The following ARHGEF9 variants were observed in gnomAD, a reference collection of about 807,000 sequenced individuals.
The protein encoded by ARHGEF9 is Cdc42 guanine nucleotide exchange factor 9, also known as rho guanine nucleotide exchange factor 9.
A neutral mutation model predicts 41.3 loss-of-function variants in ARHGEF9; 2 were observed. That is an observed-to-expected ratio of 0.05 (90% confidence interval 0.02 to 0.15). The LOEUF is 0.15. Ranked by LOEUF, ARHGEF9 falls within the 10% of genes least tolerant of loss-of-function variation. The probability of loss-of-function intolerance (pLI) is 1.00; values close to 1 mark genes in which losing one functional copy is unlikely to be tolerated. For synonymous variants in ARHGEF9, 160 were observed against 154.4 expected (o/e 1.04, Z -0.27); for missense variants, 225 against 424.7 (o/e 0.53, Z 4.13).
chrX:63,702,383 T>G (rs1196741494), intron 3 of ARHGEF9, among the ~76,000 whole-genome samples: 2 of 112,270 alleles, frequency 1.8e-5, no homozygotes, highest in Non-Finnish European at 3.8e-5. Flanking sequence ...CTGAAGGTAT[T>G]TTATACCACT....
chrX:63,646,545 T>C (rs1167838666), intron 8 of ARHGEF9, among the ~76,000 whole-genome samples: 11 of 111,804 alleles, frequency 9.8e-5, no homozygotes, highest in African/African-American at 2.6e-4. Context: ...GTTGTAGATA[T>C]GCATCATTAT....
At chrX:63,724,893 C>T in intron 1 of ARHGEF9, 182 bp from the exon 2 acceptor site, 5 of 472,462 alleles carry the variant, frequency 1.1e-5, no homozygotes, top group Admixed American at 9.4e-5. Flanking sequence ...ATACTGTCAA[C>T]TCTCTGTTAG....
rs1239657339 is a variant in ARHGEF9, at chrX:63,715,814, G to C, written c.210+8718C>G. ...TGTACAAAACATTATACCATCTACA[G>C]ACTGAGAGGAGAGAGGAGTGAGGAA... On this transcript the variant is annotated intron_variant, in intron 2 of 9. Coordinates refer to ENST00000671741, the MANE Select transcript of ARHGEF9 (RefSeq NM_001353921.2). Among the ~76,000 whole-genome samples the C allele has an allele frequency of 8.0e-5, 9 of 111,956 alleles. No homozygotes were observed. In the East Asian group the frequency reaches 8.4e-4, roughly 10 times the overall value.
Position 63,638,094 on chromosome X carries a change from G to T in ARHGEF9, c.1506C>A (p.Thr502=). 8.3e-7 allele frequency: 1 copy of T among 1,210,161 alleles called. No individual in the cohort carries two copies. The highest frequency in any genetic ancestry group is 1.1e-6 in the Non-Finnish European group (1 of 894,835). Residue 502 remains threonine (T), a synonymous_variant, in exon 10 of 10, where the codon ACC becomes ACA. Coordinates refer to ENST00000671741, the MANE Select transcript of ARHGEF9 (RefSeq NM_001353921.2). ...ATGGTGACTGGCTGCGCTTGGGTTC[G>T]GTGAACTCAAAGACCTGCGACTGAG... ...GIAQSQVFEF[T]EPKRSQSPFW...
chrX:63,741,935 T>C (rs782555089), intron 1 of ARHGEF9, among the ~76,000 whole-genome samples: 4 of 112,587 alleles, frequency 3.6e-5, no homozygotes, highest in African/African-American at 6.5e-5. Context: ...TCACATATGA[T>C]CTATCATGTA....
chrX:63,718,439 A>T (rs191254031), intron 2 of ARHGEF9, among the ~76,000 whole-genome samples: 58 of 111,384 alleles, frequency 5.2e-4, no homozygotes, highest in African/African-American at 1.9e-3. Context: ...AAGTCATCAC[A>T]CCACCAAGGC....
chrX:63,707,360 TA>T (rs781874092), intron 2 of ARHGEF9: 1,161 of 31,628 alleles, frequency 0.037, 17 homozygotes, highest in African/African-American at 0.1. Context: ...AGTGGGAAGC[TA>T]AAAAAAAAAA....
chrX:63,751,239 T>G (rs1556440588), intron 1 of ARHGEF9, among the ~76,000 whole-genome samples: 1 of 110,659 alleles, frequency 9.0e-6, no homozygotes, highest in South Asian at 3.9e-4. Context: ...TTTTTACTTC[T>G]CACCCATTTA....
chrX:63,682,135 A>G (rs2050664234), intron 4 of ARHGEF9, among the ~76,000 whole-genome samples: 1 of 89,068 alleles, frequency 1.1e-5, no homozygotes, highest in Non-Finnish European at 2.2e-5. Flanking sequence ...AAACTCTTCA[A>G]TAAATAAATA....
In ARHGEF9 at chrX:63,648,316, A is replaced by G. The variant is rs1424023438; in HGVS notation, c.1322-4268T>C. On this transcript the variant is annotated intron_variant, in intron 8 of 9. Coordinates refer to ENST00000671741, the MANE Select transcript of ARHGEF9 (RefSeq NM_001353921.2). ...ATATTGAACATTCTTAAAGAAAATA[A>G]TTTTCAACCCAGAATTTCATATCCA... Among the ~76,000 whole-genome samples the G allele has an allele frequency of 2.2e-4, 25 of 111,242 alleles. No homozygotes were observed. The Admixed American group carries it at 2.4e-3, about 11-fold the overall frequency.
intron 1 of ARHGEF9, among the ~76,000 whole-genome samples, chrX:63,781,241 A>ATTTCAT (rs1390809351): frequency 2.1e-4 from 24 of 112,226 alleles, no homozygotes; most frequent in Non-Finnish European, 4.1e-4. Flanking sequence ...TACTGAAAAT[A>ATTTCAT]ATTTTTTCAT....
chrX:63,696,569 A>G (rs782003702), intron 4 of ARHGEF9, among the ~76,000 whole-genome samples: 2 of 112,026 alleles, frequency 1.8e-5, no homozygotes, highest in East Asian at 5.6e-4. Flanking sequence ...CCCTTCCCAT[A>G]AATGTCTTGC....
chrX:63,780,273 G>C (rs1386475499), intron 1 of ARHGEF9, among the ~76,000 whole-genome samples: 1 of 111,526 alleles, frequency 9.0e-6, no homozygotes, highest in Non-Finnish European at 1.9e-5. Context: ...AGTCAGTATA[G>C]ATATACTTCT....
intron 1 of ARHGEF9, among the ~76,000 whole-genome samples, chrX:63,745,529 C>T (rs2055215565): frequency 9.0e-6 from 1 of 111,460 alleles, no homozygotes; most frequent in Non-Finnish European, 1.9e-5. Flanking sequence ...AGCATAGAGC[C>T]AGAAACCTAT....
chrX:63,675,370 G>A (rs1258093842), intron 5 of ARHGEF9, among the ~76,000 whole-genome samples: 2 of 111,319 alleles, frequency 1.8e-5, no homozygotes, highest in Non-Finnish European at 3.8e-5. Context: ...CCTCACGTTT[G>A]CTTTTGCACA....
In ARHGEF9 at chrX:63,664,604, G is replaced by A. The variant is rs2049407701; in HGVS notation, c.1077+1282C>T. 3.6e-5 allele frequency among the ~76,000 whole-genome samples: 4 copies of A among 112,215 alleles called. No homozygotes were observed. In the Admixed American group the frequency reaches 3.8e-4, roughly 11 times the overall value. On this transcript the variant is annotated intron_variant, in intron 7 of 9. Coordinates refer to ENST00000671741, the MANE Select transcript of ARHGEF9 (RefSeq NM_001353921.2). ...CCTCCTGATTTTATGAAAGTCCTGA[G>A]AAGAGTTGGGGGAGCTAAAAAGAAG...
intron 2 of ARHGEF9, chrX:63,707,319 G>A (rs1318491466): frequency 1.0e-5 from 1 of 96,856 alleles, no homozygotes; most frequent in African/African-American, 3.9e-5. Flanking sequence ...TTCGCTAACA[G>A]TTGAGACTGT....
chrX:63,719,278 C>T (rs1556412078), intron 2 of ARHGEF9, among the ~76,000 whole-genome samples: 1 of 112,001 alleles, frequency 8.9e-6, no homozygotes, highest in African/African-American at 3.2e-5. Flanking sequence ...CACTTTGAAG[C>T]TTGAATGGAT....
chrX:63,742,237 T>A (rs1447404197), intron 1 of ARHGEF9, among the ~76,000 whole-genome samples: 1 of 111,614 alleles, frequency 9.0e-6, no homozygotes, highest in Non-Finnish European at 1.9e-5. Context: ...ACGGACAAAT[T>A]CTGAGACTCT....
Sources: allele counts gnomAD v4.1 joint callset (sites outside exome capture counted in the v4.1 genomes callset), GRCh38; gene constraint gnomAD v4.1.1; transcripts MANE v1.5; gene names NCBI Gene and HGNC (gene_info 2026-07-23, HGNC 2026-07-21).